The following SRRM2 variants were observed in gnomAD, a reference collection of about 807,000 sequenced individuals.
SRRM2 encodes serine/arginine repetitive matrix protein 2.
In SRRM2, 30 loss-of-function variants were observed where a neutral mutation model predicts 213.8. That is an observed-to-expected ratio of 0.14 (90% CI 0.10 to 0.19). SRRM2 has a LOEUF of 0.19. Ranked by LOEUF, SRRM2 falls within the 10% of genes least tolerant of loss-of-function variation. The pLI, the probability that SRRM2 is intolerant of heterozygous loss-of-function variation, is 1.00. For synonymous variants in SRRM2, 2,025 were observed against 1,377.7 expected (o/e 1.47, Z -10.40); for missense variants, 4,904 against 3,647.0 (o/e 1.34, Z -8.88).
rs1292061840 is a variant in SRRM2 at position 2,761,990 on chromosome 16, G to A, written c.1462G>A (p.Ala488Thr). The change falls in exon 11 of 15, where the codon GCC becomes ACC. Residue 488 changes from alanine (A) to threonine (T), a missense_variant. Coordinates refer to ENST00000301740, the MANE Select transcript of SRRM2 (RefSeq NM_016333.4). ...SRRMGRSRSP[A>T]TAKRGRSRSR... ...TAGGATGGGGAGGTCCCGTAGCCCT[G>A]CCACCGCTAAGAGAGGGCGATCTCG... 7 of 1,613,974 alleles carry A rather than the reference G, an allele frequency of 4.3e-6. No individual in the cohort carries two copies. Among genetic ancestry groups the A allele is most frequent in the Non-Finnish European group, 5.9e-6 (7 of 1,180,018 alleles).
rs758822053 is a variant in SRRM2 at position 2,764,484 on chromosome 16, A to G, written c.3956A>G (p.Asn1319Ser). 1.9e-6 allele frequency: 3 copies of G among 1,614,010 alleles called. No homozygotes were observed. In the East Asian group the frequency reaches 6.7e-5, roughly 36 times the overall value. ...HFSPEHKELS[N>S]SPLRENSFGS... ...TCTCCAGAACATAAAGAACTGTCTA[A>G]CTCCCCACTCAGGGAGAACAGCTTT... is the stretch of plus-strand genomic sequence containing the variant. The change falls in exon 11 of 15, where the codon AAC becomes AGC. Residue 1319 changes from asparagine (N) to serine (S), a missense_variant. By Grantham distance (46) the Asn-to-Ser change is conservative. Coordinates refer to ENST00000301740, the MANE Select transcript of SRRM2 (RefSeq NM_016333.4).
Position 2,757,597 on chromosome 16 carries a change from C to T in SRRM2, c.350+18C>T, listed in dbSNP as rs747886908. The T allele has an allele frequency of 3.7e-6, 6 of 1,608,402 alleles. 1 individual carries two copies. The highest frequency in any genetic ancestry group is 3.3e-5 in the South Asian group (3 of 90,752). ...AGGCCAGCGTGAGTGTTGCGCTCTC[C>T]CTCGATGACTCTGGACTCTACTCTG... On this transcript the variant is annotated intron_variant, in intron 3 of 14. Transcript: ENST00000301740.
In SRRM2 at chr16:2,771,178, C is replaced by T. The variant is rs1461003759; in HGVS notation, c.*311C>T. ...AGTCAGGGCCAGGGAGGCATGGCCC[C>T]ACTTGTATCCAGAAGTTCCCAGGGG... On this transcript the variant is annotated 3_prime_UTR_variant, in exon 15 of 15. Transcript: ENST00000301740. The T allele has an allele frequency of 6.4e-6, 4 of 626,996 alleles. No homozygotes were observed. In the African/African-American group the frequency reaches 7.4e-5, roughly 12 times the overall value. 38.8% of individuals were successfully genotyped at this position (626,996 alleles called of 1,614,324 possible). A position where few individuals can be genotyped will look rare whatever the true frequency, so the allele number is the denominator to read the frequency against.
At chr16:2,757,444 C>G (rs1160796365) in intron 2 of SRRM2, 28 bp from the exon 3 acceptor site, 2 of 1,606,306 alleles carry the variant, frequency 1.2e-6, no homozygotes, top group African/African-American at 2.7e-5. Context: ...TCCTGTCGAG[C>G]TTAACCCTGA....
chr16:2,753,656 G>C (rs2068028248), intron 1 of SRRM2: 1 of 152,220 alleles, frequency 6.6e-6, no homozygotes, highest in South Asian at 2.1e-4. Context: ...GTTGGTTTCA[G>C]GCGTTCTTTG....
chr16:2,756,641 T>G (rs753815404), intron 2 of SRRM2, 35 bp downstream of exon 2: 1 of 1,590,578 alleles, frequency 6.3e-7, no homozygotes, highest in Non-Finnish European at 8.6e-7. Flanking sequence ...AAGCACTGAA[T>G]GAGTGCAGAG....
rs1456468739 is a variant in SRRM2, at chr16:2,762,274, C to A, written c.1746C>A (p.Gly582=). The part of the protein sequence containing the change: ...RSRSRTPARR[G]RSRSRTPARR... The stretch of plus-strand genomic sequence containing the variant: ...GTTCTAGAACACCAGCCCGCCGGGG[C>A]AGGTCCCGCTCTAGAACACCTGCCA... The change falls in exon 11 of 15, where the codon GGC becomes GGA. Residue 582 remains glycine, a synonymous_variant. Coordinates refer to ENST00000301740, the MANE Select transcript of SRRM2 (RefSeq NM_016333.4). 9.3e-6 allele frequency: 15 copies of A among 1,614,074 alleles called. No individual in the cohort carries two copies. Among genetic ancestry groups the A allele is most frequent in the Non-Finnish European group, 1.3e-5 (15 of 1,179,984 alleles).
Position 2,767,849 on chromosome 16 carries a change from C to T in SRRM2, c.7321C>T (p.Pro2441Ser), listed in dbSNP as rs61747730. The change falls in exon 11 of 15, where the codon CCT becomes TCT. Residue 2441 changes from proline to serine, a missense_variant. Pro to Ser is a moderately conservative substitution (Grantham distance 74). Transcript: ENST00000301740. Reference protein sequence around the residue: ...MGQAPSQSLLPPAQDQPRSPV... With the variant: ...MGQAPSQSLLSPAQDQPRSPV... The stretch of plus-strand genomic sequence containing the variant: ...CCAGGCTCCTTCACAGTCTCTTCTC[C>T]CTCCAGCACAGGATCAGCCGAGGTC... The T allele has an allele frequency of 4.6e-4, 750 of 1,614,114 alleles. No individual in the cohort carries two copies. Among genetic ancestry groups the T allele is most frequent in the Admixed American group, 7.2e-4 (43 of 60,022 alleles).
At position 2,769,087 on chromosome 16, in the gene SRRM2, C is replaced by T; in HGVS notation, c.7824C>T (p.Ser2608=). ...PTPAKRKRRS[S]SSSSSSSSSS... ...CAGCCAAACGGAAGAGGCGCTCTAG[C>T]AGTTCCAGTTCCAGCTCCTCCTCTT... Residue 2608 remains serine (S), a synonymous_variant, in exon 12 of 15, where the codon AGC becomes AGT. Coordinates refer to ENST00000301740, the MANE Select transcript of SRRM2 (RefSeq NM_016333.4). 5 of 1,614,028 alleles carry T rather than the reference C, an allele frequency of 3.1e-6. No homozygotes were observed. The highest frequency in any genetic ancestry group is 2.2e-5 in the East Asian group (1 of 44,888).
At chr16:2,768,338 C>G in intron 11 of SRRM2, 77 bp downstream of exon 11, 1 of 1,468,112 alleles carries the variant, frequency 6.8e-7, no homozygotes, top group Non-Finnish European at 9.1e-7. Context: ...AGGGAGAAAC[C>G]ATGTCACAGG....
chr16:2,768,306 G>A (rs1438547522), intron 11 of SRRM2, 45 bp downstream of exon 11: 9 of 1,515,614 alleles, frequency 5.9e-6, no homozygotes, highest in Non-Finnish European at 7.9e-6. Context: ...GGGAGGTATT[G>A]GGGATGGGTT....
rs1345916929 is a variant in SRRM2 at position 2,768,230 on chromosome 16, C to T, written c.7702C>T (p.Leu2568Phe). Reference sequence around the variant, plus strand: ...TTCTAGTGACTCAGAGGGCTCTAGCCTTCCTGTGCAACCTGAGGTGGCACT... The same window carrying T: ...TTCTAGTGACTCAGAGGGCTCTAGCTTTCCTGTGCAACCTGAGGTGGCACT... ...SSSSDSEGSS[L>F]PVQPEVALKR... Residue 2568 changes from leucine to phenylalanine, a missense_variant, in exon 11 of 15, where the codon CTT (leucine) becomes TTT (phenylalanine). Leu to Phe is a conservative substitution (Grantham distance 22). Coordinates refer to ENST00000301740, the MANE Select transcript of SRRM2 (RefSeq NM_016333.4). 2.5e-6 allele frequency: 4 copies of T among 1,573,720 alleles called. No individual in the cohort carries two copies. The highest frequency in any genetic ancestry group is 1.2e-5 in the South Asian group (1 of 85,012).
At position 2,764,415 on chromosome 16, in the gene SRRM2, T is replaced by A. The variant is rs779286264; in HGVS notation, c.3887T>A (p.Val1296Glu). The change falls in exon 11 of 15, where the codon GTA (valine) becomes GAA (glutamate). Residue 1296 changes from valine to glutamate, a missense_variant. Coordinates refer to ENST00000301740, the MANE Select transcript of SRRM2 (RefSeq NM_016333.4). ...QSQSQASLEA[V>E]EVPSMASSWG... ...CAGTCACAGGCTTCTTTGGAAGCAG[T>A]AGAAGTCCCTTCAATGGCCTCATCT... 7 of 1,613,184 alleles carry A rather than the reference T, an allele frequency of 4.3e-6. No individual in the cohort carries two copies. Among genetic ancestry groups the A allele is most frequent in the Middle Eastern group, 1.6e-4 (1 of 6,082 alleles).
In SRRM2 at chr16:2,763,403, G is replaced by A. The variant is rs1199208703; in HGVS notation, c.2875G>A (p.Val959Met). 5 of 1,614,240 alleles carry A rather than the reference G, an allele frequency of 3.1e-6. No individual in the cohort carries two copies. The highest frequency in any genetic ancestry group is 1.6e-4 in the Middle Eastern group (1 of 6,062). Reference sequence around the variant, plus strand: ...CAGATCAGTATCTCCCTGCTCCAATGTGGAATCCAGATTGTTGCCAAGATA... The same window carrying A: ...CAGATCAGTATCTCCCTGCTCCAATATGGAATCCAGATTGTTGCCAAGATA... Reference protein sequence around the residue: ...RSRSVSPCSNVESRLLPRYSH... With the variant: ...RSRSVSPCSNMESRLLPRYSH... Residue 959 changes from valine to methionine, a missense_variant, in exon 11 of 15, where the codon GTG becomes ATG. By Grantham distance (21) the Val-to-Met change is conservative. Coordinates refer to ENST00000301740, the MANE Select transcript of SRRM2 (RefSeq NM_016333.4).
rs759041122 is a variant in SRRM2 at position 2,762,605 on chromosome 16, C to T, written c.2077C>T (p.Arg693Trp). 15 of 1,614,092 alleles carry T rather than the reference C, an allele frequency of 9.3e-6. No individual in the cohort carries two copies. The highest frequency in any genetic ancestry group is 4.5e-5 in the East Asian group (2 of 44,880). Residue 693 changes from arginine (R) to tryptophan (W), a missense_variant, in exon 11 of 15, where the codon CGG becomes TGG. Transcript: ENST00000301740. ...AACACCAGCCAGGAGAGGGAGGTCTCGGTCTAGGACACCAAGACGAGGAAG... is the reference window on the plus strand; with the variant it reads ...AACACCAGCCAGGAGAGGGAGGTCTTGGTCTAGGACACCAAGACGAGGAAG... Reference protein sequence around the residue: ...SRTPARRGRSRSRTPRRGRSR... With the variant: ...SRTPARRGRSWSRTPRRGRSR...
In SRRM2 at chr16:2,766,205, TCAC is replaced by T. The variant is rs761637679; in HGVS notation, c.5680_5682del (p.Pro1894del). On this transcript the variant is annotated inframe_deletion, in exon 11 of 15. Coordinates refer to ENST00000301740, the MANE Select transcript of SRRM2 (RefSeq NM_016333.4). This position sits in a 1 kb window ranked among gnomAD's most constrained non-coding sequence, Gnocchi z 7.0. The stretch of plus-strand genomic sequence containing the variant: ...CCGACGTAGGTCCAGATCTCGAACT[TCAC>T]CAGTCAGCCGGAGACGGTCAAGGTC... The T allele has an allele frequency of 1.1e-5, 17 of 1,613,656 alleles. No homozygotes were observed. The East Asian group carries it at 3.1e-4, about 30-fold the overall frequency.
chr16:2,761,470 G>C, intron 10 of SRRM2, 91 bp from the exon 11 acceptor site: 1 of 1,120,258 alleles, frequency 8.9e-7, no homozygotes, highest in Non-Finnish European at 1.2e-6. Context: ...TAAAAGAAAA[G>C]TTATCATTGG....
chr16:2,757,997 C>T (rs756349676), intron 4 of SRRM2, 52 bp downstream of exon 4: 4 of 1,562,916 alleles, frequency 2.6e-6, no homozygotes, highest in East Asian at 4.5e-5. Context: ...TTGTAAGCTC[C>T]ATGCTCTATT....
intron 3 of SRRM2, 61 bp from the exon 4 acceptor site, chr16:2,757,720 T>C: frequency 6.3e-7 from 1 of 1,593,874 alleles, no homozygotes; most frequent in Non-Finnish European, 8.6e-7. Flanking sequence ...CTTATACTTG[T>C]GTTCTGAATA....
Sources: gnomAD v4.1 joint callset for allele counts on GRCh38, gnomAD v4.1.1 for gene constraint, Gnocchi (gnomAD v3.1) non-coding constraint, MANE v1.5 for transcripts, NCBI Gene and HGNC (gene_info 2026-07-23, HGNC 2026-07-21) for gene names.